Variants in TEAD1 observed in about 807,000 individuals in gnomAD.
TEAD1 encodes the protein transcriptional enhancer factor TEF-1.
In TEAD1, 9 loss-of-function variants were observed where a neutral mutation model predicts 54.9. The observed-to-expected ratio is 0.16, with a 90% CI of 0.10 to 0.29. The LOEUF (loss-of-function observed/expected upper bound fraction) is 0.29. TEAD1 is among the 10% of genes least tolerant of loss of function. TEAD1 has a pLI of 1.00. For missense variants in TEAD1, 387 were observed against 535.9 expected (o/e 0.72, Z 2.74); for synonymous variants, 200 against 187.8 (o/e 1.07, Z -0.53).
chr11:12,687,975 A>G (rs538872090), intron 2 of TEAD1, among the ~76,000 whole-genome samples: 3 of 152,310 alleles, frequency 2.0e-5, no homozygotes, highest in Middle Eastern at 3.4e-3. Flanking sequence ...TGGACCTGCC[A>G]GTTTATCTGG....
At chr11:12,920,292 A>G (rs564584758) in intron 10 of TEAD1, among the ~76,000 whole-genome samples, 1 of 152,200 alleles carries the variant, frequency 6.6e-6, no homozygotes, top group Non-Finnish European at 1.5e-5. Context: ...ATATTCAGCA[A>G]TTTTACTAAC....
rs976340552 is a variant in TEAD1 at position 12,922,232 on chromosome 11, T to G, written c.874-2680T>G. ...TTTTTTTTGAGACGGAGTCTCGCTC[T>G]GTCGCCCAGGCTGGAGTGCAGTGGC... On this transcript the variant is annotated intron_variant, in intron 10 of 12. Transcript: ENST00000527636. Among the ~76,000 whole-genome samples, 2 of 47,030 alleles carry G rather than the reference T, an allele frequency of 4.3e-5. 1 individual carries two copies. The highest frequency in any genetic ancestry group is 1.7e-4 in the African/African-American group (2 of 11,910). The allele number at this position is 47,030 out of a possible 152,430, so 30.9% of individuals were successfully genotyped here. A position where few individuals can be genotyped will look rare whatever the true frequency, so the allele number is the denominator to read the frequency against.
chr11:12,855,704 G>A (rs1268260595), intron 3 of TEAD1, among the ~76,000 whole-genome samples: 1 of 151,922 alleles, frequency 6.6e-6, no homozygotes, highest in African/African-American at 2.4e-5. Flanking sequence ...AGCACTTTGG[G>A]AGGCCAAGGC....
intron 2 of TEAD1, among the ~76,000 whole-genome samples, chr11:12,747,668 A>T (rs1282381472): frequency 6.6e-6 from 1 of 152,138 alleles, no homozygotes; most frequent in Admixed American, 6.5e-5. Flanking sequence ...TTGAGAACCT[A>T]CGGTGTGTCT....
intron 2 of TEAD1, among the ~76,000 whole-genome samples, chr11:12,700,539 C>T (rs1943677587): frequency 1.3e-5 from 2 of 152,080 alleles, no homozygotes; most frequent in African/African-American, 2.4e-5. Flanking sequence ...GCAGTGGAAA[C>T]GAGTTTTGCG....
chr11:12,816,104 C>T (rs1046891127), intron 3 of TEAD1, among the ~76,000 whole-genome samples: 1 of 152,230 alleles, frequency 6.6e-6, no homozygotes, highest in African/African-American at 2.4e-5. Context: ...TGGGCAGTCA[C>T]GGGGGTGCTG....
chr11:12,885,353 A>G (rs1415337507), intron 9 of TEAD1, among the ~76,000 whole-genome samples: 2 of 150,276 alleles, frequency 1.3e-5, no homozygotes, highest in Non-Finnish European at 3.0e-5. Context: ...CTCCTGCCTC[A>G]GCCTCCCGAG....
chr11:12,865,447 G>C (rs1021394358), intron 5 of TEAD1: 1 of 156,408 alleles, frequency 6.4e-6, no homozygotes, highest in Admixed American at 6.2e-5. Flanking sequence ...AGTATTTTCA[G>C]CCAGATTTCT....
chr11:12,832,731 C>G (rs1489314214), intron 3 of TEAD1, among the ~76,000 whole-genome samples: 1 of 152,202 alleles, frequency 6.6e-6, no homozygotes, highest in African/African-American at 2.4e-5. Context: ...AACACTCATT[C>G]CTTTTTAACA....
intron 2 of TEAD1, among the ~76,000 whole-genome samples, chr11:12,758,551 C>G (rs1346304036): frequency 6.6e-6 from 1 of 151,900 alleles, no homozygotes; most frequent in African/African-American, 2.4e-5. Context: ...GCTGGGACTA[C>G]AGGCGCCTGC....
At chr11:12,683,051 CTTG>C (rs1307164535) in intron 2 of TEAD1, among the ~76,000 whole-genome samples, 1 of 152,138 alleles carries the variant, frequency 6.6e-6, no homozygotes, top group Non-Finnish European at 1.5e-5. Context: ...TAAGAATACT[CTTG>C]TTGTTACAGA....
At chr11:12,890,243 A>G (rs1051133696) in intron 9 of TEAD1, among the ~76,000 whole-genome samples, 15 of 152,162 alleles carry the variant, frequency 9.9e-5, no homozygotes, top group Non-Finnish European at 8.8e-5. Flanking sequence ...AGAAATAAAG[A>G]CAAAGTTCAA....
chr11:12,898,900 C>T (rs1948368533), intron 9 of TEAD1, among the ~76,000 whole-genome samples: 1 of 152,194 alleles, frequency 6.6e-6, no homozygotes, highest in African/African-American at 2.4e-5. Flanking sequence ...CCTTCATGGT[C>T]CCCATTGGTA....
intron 2 of TEAD1, among the ~76,000 whole-genome samples, chr11:12,711,804 G>A (rs532928957): frequency 5.1e-4 from 78 of 152,346 alleles, no homozygotes; most frequent in African/African-American, 1.8e-3. Context: ...GTTAACAGCT[G>A]TAGCAATGAA....
chr11:12,830,468 G>A (rs1946750055), intron 3 of TEAD1, among the ~76,000 whole-genome samples: 1 of 152,072 alleles, frequency 6.6e-6, no homozygotes, highest in African/African-American at 2.4e-5. Context: ...ACATCTGGCT[G>A]CAGAGACCCT....
intron 2 of TEAD1, among the ~76,000 whole-genome samples, chr11:12,702,768 G>T (rs972189668): frequency 2.0e-5 from 3 of 152,134 alleles, no homozygotes; most frequent in Non-Finnish European, 4.4e-5. Flanking sequence ...CAATGCCATT[G>T]TGTCTCAGCA....
chr11:12,697,548 C>T (rs1285472747), intron 2 of TEAD1, among the ~76,000 whole-genome samples: 1 of 152,088 alleles, frequency 6.6e-6, no homozygotes, highest in Non-Finnish European at 1.5e-5. Context: ...TACATACATG[C>T]AATATTAGTT....
chr11:12,883,064 C>G lies in TEAD1; in HGVS notation c.638C>G (p.Thr213Arg). The change falls in exon 9 of 13, where the codon ACA becomes AGA. Residue 213 changes from threonine (T) to arginine (R), a missense_variant. By Grantham distance (71) the Thr-to-Arg change is moderately conservative (BLOSUM62 -1). Transcript: ENST00000527636. Reference sequence around the variant, plus strand: ...GCCTGGCAAGGTCGCTCCATTGGCACAACCAAGCTTCGCCTGGTGGAATTT... The same window carrying G: ...GCCTGGCAAGGTCGCTCCATTGGCAGAACCAAGCTTCGCCTGGTGGAATTT... 3 of 1,614,212 alleles carry G rather than the reference C, an allele frequency of 1.9e-6. No individual in the cohort carries two copies. Among genetic ancestry groups the G allele is most frequent in the Non-Finnish European group, 2.5e-6 (3 of 1,180,030 alleles).
chr11:12,678,059 A>G (rs548707440), intron 2 of TEAD1, among the ~76,000 whole-genome samples: 19 of 152,340 alleles, frequency 1.2e-4, no homozygotes, highest in African/African-American at 4.3e-4. Flanking sequence ...ACTTGTACCC[A>G]GTAGAGAGAT....
Sources: gnomAD v4.1 joint callset for allele counts (sites outside exome capture counted in the v4.1 genomes callset) on GRCh38, gnomAD v4.1.1 for gene constraint, MANE v1.5 for transcripts, NCBI Gene and HGNC (gene_info 2026-07-23, HGNC 2026-07-21) for gene names.